USP34: variants seen among roughly 807,000 people sequenced by gnomAD.
The protein encoded by USP34 is ubiquitin carboxyl-terminal hydrolase 34.
In USP34, 70 loss-of-function variants were observed where a neutral mutation model predicts 460.3. That is an observed-to-expected ratio of 0.15 (90% CI 0.13 to 0.19). The LOEUF (loss-of-function observed/expected upper bound fraction) is 0.19. Ranked by LOEUF, USP34 falls within the 10% of genes least tolerant of loss-of-function variation. The probability of loss-of-function intolerance (pLI) is 1.00; values close to 1 mark genes in which losing one functional copy is unlikely to be tolerated. For synonymous variants in USP34, 1,647 were observed against 1,405.3 expected (o/e 1.17, Z -3.85); for missense variants, 3,985 against 4,236.2 (o/e 0.94, Z 1.65).
chr2:61,440,761 G>A (rs1336419815), intron 1 of USP34, among the ~76,000 whole-genome samples: 6 of 151,598 alleles, frequency 4.0e-5, no homozygotes, highest in Non-Finnish European at 7.4e-5. Context: ...CAGGCAATCC[G>A]CCTGCCTTGG....
chr2:61,204,068 A>G (rs548956691), intron 74 of USP34, among the ~76,000 whole-genome samples, 188 bp downstream of exon 74: 1 of 152,334 alleles, frequency 6.6e-6, no homozygotes, highest in African/African-American at 2.4e-5. Flanking sequence ...ACTTGTGCTT[A>G]TTGTTGATTT....
rs187824309 is a variant in USP34, at chr2:61,235,618, C to T, written c.7032+227G>A. ...GGGTTACAGGCGTGAGCCACCACAC[C>T]TGGCCAAAACATGAATTTTTAAGTG... On this transcript the variant is annotated intron_variant, in intron 57 of 79. Transcript: ENST00000398571. 4.1e-3 allele frequency among the ~76,000 whole-genome samples: 621 copies of T among 152,166 alleles called. 4 individuals are homozygous for T. The highest frequency in any genetic ancestry group is 0.014 in the African/African-American group (572 of 41,502).
chr2:61,364,730 A>T (rs1434160912), intron 10 of USP34, among the ~76,000 whole-genome samples: 1 of 152,076 alleles, frequency 6.6e-6, no homozygotes, highest in Non-Finnish European at 1.5e-5. Flanking sequence ...GGAGTTTGAG[A>T]CCAGCCTAGC....
chr2:61,357,216 A>C (rs1692134477), intron 10 of USP34, among the ~76,000 whole-genome samples: 1 of 152,218 alleles, frequency 6.6e-6, no homozygotes, highest in African/African-American at 2.4e-5. Context: ...AGATATTAAA[A>C]TACAGATAAT....
chr2:61,257,206 G>C lies in USP34; in HGVS notation c.5989C>G (p.Leu1997Val). The C allele has an allele frequency of 6.2e-7, 1 of 1,607,966 alleles. No individual in the cohort carries two copies. The change falls in exon 45 of 80, where the codon CTG becomes GTG. Residue 1997 changes from leucine to valine, a missense_variant and splice_region_variant. Leu to Val is a conservative substitution (Grantham distance 32, BLOSUM62 1). Around this residue, in one of 14 missense-constraint regions of USP34, gnomAD observed 145 missense variants for 291.6 expected, o/e 0.50. Transcript: ENST00000398571. ...CTTTTCAGTATTCTGATACTAACCA[G>C]TTCGGGAGACATTTCTTCGATTTTG... ...ITKIEEMSPELKNTVKSLFGG... is the reference protein window; with the variant it reads ...ITKIEEMSPEVKNTVKSLFGG...
chr2:61,409,648 A>C (rs1157501476), intron 2 of USP34, among the ~76,000 whole-genome samples: 1 of 152,166 alleles, frequency 6.6e-6, no homozygotes, highest in African/African-American at 2.4e-5. Flanking sequence ...CAGGAAGCAG[A>C]GGTTGCAGTG....
chr2:61,356,778 G>A (rs1443076955), intron 10 of USP34, among the ~76,000 whole-genome samples: 1 of 152,148 alleles, frequency 6.6e-6, no homozygotes, highest in East Asian at 1.9e-4. Context: ...ATATAAATAA[G>A]TTCTAGAGAT....
chr2:61,412,504 CA>C (rs1366478416), intron 2 of USP34, among the ~76,000 whole-genome samples: 1 of 151,600 alleles, frequency 6.6e-6, no homozygotes, highest in Non-Finnish European at 1.5e-5. Context: ...GTTTAAAAAC[CA>C]ATTAAAATTA....
chr2:61,335,611 T>C (rs1470296537), intron 18 of USP34, among the ~76,000 whole-genome samples: 1 of 152,016 alleles, frequency 6.6e-6, no homozygotes, highest in Non-Finnish European at 1.5e-5. Context: ...TAGCCACCCA[T>C]GATGGCACAT....
intron 3 of USP34, among the ~76,000 whole-genome samples, chr2:61,402,772 A>T (rs1237360224): frequency 6.6e-6 from 1 of 152,226 alleles, no homozygotes; most frequent in East Asian, 1.9e-4. Flanking sequence ...TCCTCAAAGA[A>T]AAGTGGGATA....
intron 19 of USP34, among the ~76,000 whole-genome samples, chr2:61,331,586 A>C (rs370132880): frequency 3.0e-4 from 46 of 152,192 alleles, no homozygotes; most frequent in African/African-American, 7.0e-4. Flanking sequence ...TAAGTTTTTA[A>C]TCTCAAAATG....
chr2:61,239,797 A>C (rs1021164967), intron 53 of USP34, among the ~76,000 whole-genome samples: 27 of 152,212 alleles, frequency 1.8e-4, no homozygotes, highest in African/African-American at 6.0e-4. Flanking sequence ...TCAGGAGGTC[A>C]AGAGATTGAG....
Position 61,281,113 on chromosome 2 carries a change from C to G in USP34, c.5128G>C (p.Ala1710Pro). 6.2e-7 allele frequency: 1 copy of G among 1,613,566 alleles called. No individual in the cohort carries two copies. Among genetic ancestry groups the G allele is most frequent in the Non-Finnish European group, 8.5e-7 (1 of 1,179,750 alleles). Residue 1710 changes from alanine (A) to proline (P), a missense_variant, in exon 38 of 80, where the codon GCT becomes CCT. This residue lies in a region of USP34 where 1,114 missense variants were observed against 1,122.5 expected (regional missense o/e 0.99). Transcript: ENST00000398571. ...ACCCTAATAGGTTTGAGTGCTTGAG[C>G]ATCAGGAAGAAATTTCAATAATGTT... ...ASTLLKFLPD[A>P]QALKPIRIDD...
At chr2:61,238,168 T>A (rs540212498) in intron 53 of USP34, among the ~76,000 whole-genome samples, 1 of 152,118 alleles carries the variant, frequency 6.6e-6, no homozygotes, top group African/African-American at 2.4e-5. Context: ...AGTGCTGGGA[T>A]TACAGGTGTG....
intron 22 of USP34, among the ~76,000 whole-genome samples, chr2:61,318,428 G>T (rs571858880): frequency 6.6e-6 from 1 of 152,150 alleles, no homozygotes; most frequent in East Asian, 1.9e-4. Flanking sequence ...GATGGCAAAA[G>T]TTATATTTGT....
At position 61,211,950 on chromosome 2, in the gene USP34, A is replaced by G. The variant is rs766760012; in HGVS notation, c.8683-21T>C. The G allele has an allele frequency of 1.1e-5, 18 of 1,592,612 alleles. No homozygotes were observed. The African/African-American group carries it at 2.0e-4, about 18-fold the overall frequency. On this transcript the variant is annotated intron_variant, in intron 68 of 79. Coordinates refer to ENST00000398571, the MANE Select transcript of USP34 (RefSeq NM_014709.4). ...ACTGCCTAAAAAAGCCAAATAAGCC[A>G]TATGATCTTTTAACCCTATAGCATT...
chr2:61,406,205 A>T (rs984404269), intron 2 of USP34, 77 bp from the exon 3 acceptor site: 1 of 1,230,542 alleles, frequency 8.1e-7, no homozygotes, highest in Admixed American at 3.2e-5. Flanking sequence ...AAAACAAGTA[A>T]GCAAATACTA....
intron 6 of USP34, 66 bp downstream of exon 6, chr2:61,383,203 C>A (rs1693026917): frequency 1.7e-6 from 2 of 1,159,892 alleles, no homozygotes; most frequent in Non-Finnish European, 2.4e-6. Context: ...CAATATAATT[C>A]TATATTATAA....
chr2:61,262,722 T>C (rs78396797), intron 43 of USP34, among the ~76,000 whole-genome samples: 2,034 of 152,338 alleles, frequency 0.013, 21 homozygotes, highest in Non-Finnish European at 0.021. Context: ...CTGAGCCGAA[T>C]AGTAATTCTG....
Sources: gnomAD v4.1 joint callset for allele counts (sites outside exome capture counted in the v4.1 genomes callset) on GRCh38, gnomAD v4.1.1 for gene constraint, gnomAD v4.1.1 regional missense constraint, MANE v1.5 for transcripts, NCBI Gene and HGNC (gene_info 2026-07-23, HGNC 2026-07-21) for gene names.